ADGRV1: variants seen among roughly 807,000 people sequenced by gnomAD.
ADGRV1 encodes the protein G-protein coupled receptor 98.
Under a neutral mutation model 596.2 loss-of-function variants are expected in ADGRV1, and 359 were observed. The ratio of observed to expected loss-of-function variants is 0.60; its 90% CI spans 0.55 to 0.66. The LOEUF is 0.66. ADGRV1 is among the 30% of genes least tolerant of loss of function. The pLI is 0.00. For missense variants in ADGRV1, 7,274 were observed against 7,575.6 expected, an observed-to-expected ratio of 0.96 and a Z score of 1.48; for synonymous variants, 2,681 against 2,679.2, an observed-to-expected ratio of 1.00 and a Z score of -0.02.
chr5:91,091,736 G>A (rs1790401772), intron 86 of ADGRV1: 2 of 151,862 alleles, frequency 1.3e-5, no homozygotes, highest in Non-Finnish European at 2.9e-5. Context: ...CTGAAAACCG[G>A]GAATGCTAAG....
In ADGRV1 at chr5:90,764,957, TC is replaced by T. The variant is rs546549715; in HGVS notation, c.12285+1490del. On this transcript the variant is annotated intron_variant, in intron 59 of 89. Transcript: ENST00000405460. ...TCTTGGGTCACTAGCACAGAGGGGC[TC>T]CTTAGAAGCTTGGCAGTCAGGAGAT... is the stretch of plus-strand genomic sequence containing the variant. Among the ~76,000 whole-genome samples, 56 of 152,108 alleles carry T rather than the reference TC, an allele frequency of 3.7e-4. 1 individual carries two copies. In the East Asian group the frequency reaches 0.01, roughly 28 times the overall value.
chr5:90,725,742 G>C (rs1462151188), intron 48 of ADGRV1, 86 bp downstream of exon 48: 2 of 785,088 alleles, frequency 2.5e-6, no homozygotes, highest in African/African-American at 1.8e-5. Flanking sequence ...ATGGTCTGCT[G>C]GTTTAGTATA....
At chr5:90,721,112 G>A (rs985380667) in intron 45 of ADGRV1, 53 bp downstream of exon 45, 1 of 1,489,586 alleles carries the variant, frequency 6.7e-7, no homozygotes, top group Admixed American at 1.8e-5. Context: ...AATATTGCAT[G>A]TATAAGATTT....
chr5:90,962,283 G>A (rs1314334275), intron 83 of ADGRV1, among the ~76,000 whole-genome samples: 1 of 152,140 alleles, frequency 6.6e-6, no homozygotes, highest in Non-Finnish European at 1.5e-5. Flanking sequence ...ACTTCATCTT[G>A]CCCAGCACAA....
rs531061046 is a variant in ADGRV1 at position 91,157,565 on chromosome 5, A to G, written c.18802+4167A>G. 1.2e-4 allele frequency among the ~76,000 whole-genome samples: 19 copies of G among 152,260 alleles called. No homozygotes were observed. The South Asian group carries it at 3.9e-3, about 32-fold the overall frequency. On this transcript the variant is annotated intron_variant, in intron 89 of 89. Coordinates refer to ENST00000405460, the MANE Select transcript of ADGRV1 (RefSeq NM_032119.4). ...TACTATAATATATTTTATACTTAAAATTCATTTTACTCATATTTCTTTCCA... is the reference window on the plus strand; with the variant it reads ...TACTATAATATATTTTATACTTAAAGTTCATTTTACTCATATTTCTTTCCA...
At chr5:90,631,588 A>C (rs1332391756) in intron 9 of ADGRV1, among the ~76,000 whole-genome samples, 1 of 151,814 alleles carries the variant, frequency 6.6e-6, no homozygotes, top group Non-Finnish European at 1.5e-5. Flanking sequence ...AAGCGGGAAA[A>C]TTTTCATGTG....
At chr5:90,989,975 C>T (rs758087100) in intron 85 of ADGRV1, among the ~76,000 whole-genome samples, 5 of 152,120 alleles carry the variant, frequency 3.3e-5, no homozygotes, top group Non-Finnish European at 7.4e-5. Context: ...TGCCACCACA[C>T]CTGGCCAATT....
At chr5:90,921,964 G>A (rs1773918741) in intron 83 of ADGRV1, among the ~76,000 whole-genome samples, 1 of 152,060 alleles carries the variant, frequency 6.6e-6, no homozygotes, top group African/African-American at 2.4e-5. Context: ...CTCATAAGCA[G>A]GGCCTAAGTT....
chr5:90,726,359 G>A (rs1751779883), intron 48 of ADGRV1, among the ~76,000 whole-genome samples: 1 of 152,060 alleles, frequency 6.6e-6, no homozygotes, highest in Non-Finnish European at 1.5e-5. Context: ...AAATGTTCTA[G>A]CTTCACCCAG....
intron 86 of ADGRV1, among the ~76,000 whole-genome samples, chr5:91,086,597 T>A (rs1005213780): frequency 6.6e-6 from 1 of 152,230 alleles, no homozygotes; most frequent in Admixed American, 6.5e-5. Context: ...TCTCTGGTGA[T>A]GAAGTCCCAC....
At chr5:90,704,880 G>T (rs1010662888) in intron 36 of ADGRV1, among the ~76,000 whole-genome samples, 2 of 151,888 alleles carry the variant, frequency 1.3e-5, no homozygotes, top group African/African-American at 4.8e-5. Context: ...GCGCGATCTC[G>T]GTTCACTGCA....
chr5:91,133,438 G>T (rs575555425), intron 87 of ADGRV1, among the ~76,000 whole-genome samples: 132 of 152,316 alleles, frequency 8.7e-4, no homozygotes, highest in African/African-American at 2.6e-3. Context: ...CCTGGACTTT[G>T]CCACTGTCCT....
At chr5:91,099,140 C>T (rs1488616082) in intron 86 of ADGRV1, among the ~76,000 whole-genome samples, 1 of 152,130 alleles carries the variant, frequency 6.6e-6, no homozygotes, top group African/African-American at 2.4e-5. Context: ...AATTATTCAT[C>T]TACGTAAATC....
At chr5:90,782,216 T>C (rs892955396) in intron 65 of ADGRV1, among the ~76,000 whole-genome samples, 1 of 152,210 alleles carries the variant, frequency 6.6e-6, no homozygotes, top group Non-Finnish European at 1.5e-5. Flanking sequence ...TCATTGCCTC[T>C]ATCAAAATTC....
At chr5:90,714,686 A>G (rs1217859397) in intron 42 of ADGRV1, among the ~76,000 whole-genome samples, 1 of 152,108 alleles carries the variant, frequency 6.6e-6, no homozygotes, top group Admixed American at 6.5e-5. Flanking sequence ...TAATACCCTC[A>G]TATCGTACAG....
At chr5:90,869,606 A>G (rs1463062528) in intron 83 of ADGRV1, among the ~76,000 whole-genome samples, 2 of 152,182 alleles carry the variant, frequency 1.3e-5, no homozygotes, top group South Asian at 4.1e-4. Flanking sequence ...GGCAATGAGA[A>G]TTCAAAGGAA....
intron 87 of ADGRV1, among the ~76,000 whole-genome samples, chr5:91,103,848 A>C (rs1197496301): frequency 6.6e-6 from 1 of 152,170 alleles, no homozygotes; most frequent in Non-Finnish European, 1.5e-5. Context: ...CAGGCAGAGA[A>C]AACTGTTAGC....
In ADGRV1 at chr5:90,682,467, A is replaced by G. The variant is rs113702660; in HGVS notation, c.5664+1013A>G. Among the ~76,000 whole-genome samples, 8 of 152,330 alleles carry G rather than the reference A, an allele frequency of 5.3e-5. 1 individual carries two copies. The highest frequency in any genetic ancestry group is 1.9e-4 in the African/African-American group (8 of 41,580). On this transcript the variant is annotated intron_variant, in intron 27 of 89. Coordinates refer to ENST00000405460, the MANE Select transcript of ADGRV1 (RefSeq NM_032119.4). ...GAACTGGCAATAACAATAACTCTATATGATGTGTGTGTTTGTGTACCTACT... is the reference window on the plus strand; with the variant it reads ...GAACTGGCAATAACAATAACTCTATGTGATGTGTGTGTTTGTGTACCTACT...
intron 1 of ADGRV1, among the ~76,000 whole-genome samples, chr5:90,569,385 ATATT>A (rs1756189198): frequency 6.1e-5 from 1 of 16,488 alleles, no homozygotes; most frequent in Non-Finnish European, 9.6e-5. Context: ...ATATATATAT[ATATT>A]TTTTTTTTTT....
Sources: allele counts gnomAD v4.1 joint callset (sites outside exome capture counted in the v4.1 genomes callset), GRCh38; gene constraint gnomAD v4.1.1; transcripts MANE v1.5; gene names NCBI Gene and HGNC (gene_info 2026-07-23, HGNC 2026-07-21).